CNNM2: variants seen among roughly 807,000 people sequenced by gnomAD.
The protein encoded by CNNM2 is cyclin and CBS domain divalent metal cation transport mediator 2, also known as metal transporter CNNM2.
In CNNM2, 12 loss-of-function variants were observed where a neutral mutation model predicts 66.9. That is an observed-to-expected ratio of 0.18 (90% CI 0.11 to 0.29). The LOEUF is 0.29. Ranked by LOEUF, CNNM2 falls within the 10% of genes least tolerant of loss-of-function variation. The pLI is 1.00. For synonymous variants in CNNM2, 557 were observed against 501.8 expected (o/e 1.11, Z -1.47); for missense variants, 705 against 1,167.7 (o/e 0.60, Z 5.77).
At chr10:103,073,868 C>CAAAAAAA (rs61331007) in intron 6 of CNNM2, among the ~76,000 whole-genome samples, 4 of 70,238 alleles carry the variant, frequency 5.7e-5, no homozygotes, top group African/African-American at 1.2e-4. Context: ...GACTCCGTCT[C>CAAAAAAA]AAAAAAAAAA....
intron 2 of CNNM2, among the ~76,000 whole-genome samples, chr10:103,053,504 A>C (rs2065248896): frequency 6.6e-6 from 1 of 152,244 alleles, no homozygotes; most frequent in Non-Finnish European, 1.5e-5. Flanking sequence ...CAATAGAGCA[A>C]GAGCCTGTCT....
intron 1 of CNNM2, among the ~76,000 whole-genome samples, chr10:102,939,577 G>T (rs1221732583): frequency 6.6e-6 from 1 of 152,014 alleles, no homozygotes; most frequent in Admixed American, 6.6e-5. Context: ...TTCTAATTGA[G>T]CAGTCCCCAA....
intron 1 of CNNM2, among the ~76,000 whole-genome samples, chr10:103,023,742 C>T (rs1383865903): frequency 1.3e-5 from 2 of 152,022 alleles, no homozygotes; most frequent in Admixed American, 1.3e-4. Context: ...ACAACAAAGT[C>T]AGCAAAAGGA....
At chr10:103,001,088 A>G (rs564406377) in intron 1 of CNNM2, among the ~76,000 whole-genome samples, 2 of 152,352 alleles carry the variant, frequency 1.3e-5, no homozygotes, top group East Asian at 3.9e-4. Context: ...GGTCACAAAA[A>G]GACAATTACT....
At chr10:102,926,232 G>T (rs1363861413) in intron 1 of CNNM2, among the ~76,000 whole-genome samples, 4 of 152,192 alleles carry the variant, frequency 2.6e-5, no homozygotes, top group Admixed American at 2.0e-4. Flanking sequence ...TTCTCACAGA[G>T]AATCATGCTG....
At position 102,929,559 on chromosome 10, in the gene CNNM2, A is replaced by G. The variant is rs202003963; in HGVS notation, c.1621+9458A>G. On this transcript the variant is annotated intron_variant, in intron 1 of 7. Transcript: ENST00000369878. ...AGCAGTTGACAAGGTGACTACATGCATATATATTTTTAAGGAAAACAGAAC... is the reference window on the plus strand; with the variant it reads ...AGCAGTTGACAAGGTGACTACATGCGTATATATTTTTAAGGAAAACAGAAC... Among the ~76,000 whole-genome samples the G allele has an allele frequency of 5.3e-5, 8 of 152,124 alleles. No individual in the cohort carries two copies. In the East Asian group the frequency reaches 7.7e-4, roughly 15 times the overall value.
chr10:102,927,389 G>A, intron 1 of CNNM2: 2 of 1,613,798 alleles, frequency 1.2e-6, no homozygotes, highest in Non-Finnish European at 1.7e-6. Flanking sequence ...CTGAAAAGAA[G>A]AGACAATAAG....
At chr10:103,060,097 A>T (rs1164409870) in intron 4 of CNNM2, among the ~76,000 whole-genome samples, 1 of 152,152 alleles carries the variant, frequency 6.6e-6, no homozygotes, top group African/African-American at 2.4e-5. Flanking sequence ...TGATTGTGCC[A>T]CTGTACTCCA....
chr10:102,975,814 A>G (rs1001694525), intron 1 of CNNM2, among the ~76,000 whole-genome samples: 33 of 152,202 alleles, frequency 2.2e-4, no homozygotes, highest in African/African-American at 6.0e-4. Context: ...AGCATAGCCA[A>G]TTAAAACTAT....
rs2065685023 is a variant in CNNM2 at position 103,076,059 on chromosome 10, C to T, written c.2234-27C>T. 12 of 1,591,392 alleles carry T rather than the reference C, an allele frequency of 7.5e-6. No individual in the cohort carries two copies. The East Asian group carries it at 2.5e-4, about 33-fold the overall frequency. ...ATTGGCTGTATCTACTTCACTTAAA[C>T]AGTTGGATTTTTCCCTCCTTTTCCA... On this transcript the variant is annotated intron_variant, in intron 6 of 7. Transcript: ENST00000369878.
At chr10:102,952,843 G>A (rs796878493) in intron 1 of CNNM2, among the ~76,000 whole-genome samples, 25 of 152,232 alleles carry the variant, frequency 1.6e-4, no homozygotes, top group African/African-American at 6.0e-4. Flanking sequence ...TTCTGCTTCA[G>A]TACTTGAATA....
chr10:102,945,618 C>T (rs1234769577), intron 1 of CNNM2, among the ~76,000 whole-genome samples: 2 of 152,068 alleles, frequency 1.3e-5, no homozygotes, highest in African/African-American at 4.8e-5. Flanking sequence ...GCTCTCTCCT[C>T]TCTCTGCCTG....
chr10:102,922,879 T>C (rs780244814), intron 1 of CNNM2, among the ~76,000 whole-genome samples: 4 of 150,998 alleles, frequency 2.6e-5, no homozygotes, highest in East Asian at 1.9e-4. Flanking sequence ...GAGGCGGAGA[T>C]TGCAATGAGC....
At chr10:102,978,558 G>A (rs1302635832) in intron 1 of CNNM2, among the ~76,000 whole-genome samples, 1 of 152,014 alleles carries the variant, frequency 6.6e-6, no homozygotes, top group African/African-American at 2.4e-5. Context: ...TAGCCTCCTT[G>A]CTGGTCTCCT....
chr10:102,941,584 T>A (rs933560260), intron 1 of CNNM2, among the ~76,000 whole-genome samples: 6 of 152,214 alleles, frequency 3.9e-5, no homozygotes, highest in African/African-American at 1.4e-4. Flanking sequence ...GCCCCTGCCT[T>A]GGAGCCTGTG....
intron 1 of CNNM2, among the ~76,000 whole-genome samples, chr10:103,024,349 C>G (rs1238021808): frequency 6.6e-6 from 1 of 152,116 alleles, no homozygotes; most frequent in African/African-American, 2.4e-5. Context: ...TATCTTTTTT[C>G]TTTGCAAAAA....
intron 1 of CNNM2, among the ~76,000 whole-genome samples, chr10:103,009,674 C>CAAAAA (rs36096913): frequency 6.5e-4 from 38 of 58,602 alleles, no homozygotes; most frequent in East Asian, 1.5e-3. Context: ...CCTGAGTCTC[C>CAAAAA]AAAAAAAAAA....
Position 103,054,228 on chromosome 10 carries a change from A to C in CNNM2, c.1766-101A>C. ...ATAGAGCGCCTGCATCTGGAAATAC[A>C]GTCCAGCTCTTCCAATATATTTTGT... On this transcript the variant is annotated intron_variant, in intron 2 of 7. Coordinates refer to ENST00000369878, the MANE Select transcript of CNNM2 (RefSeq NM_017649.5). The surrounding 1 kb of genome is among the most constrained non-coding windows in gnomAD (Gnocchi z 5.2). The C allele has an allele frequency of 6.0e-6, 8 of 1,326,672 alleles. No homozygotes were observed. Among genetic ancestry groups the C allele is most frequent in the Non-Finnish European group, 1.0e-6 (1 of 964,802 alleles). The allele number at this position is 1,326,672 out of a possible 1,614,324, so 82.2% of individuals were successfully genotyped here.
rs184549724 is a variant in CNNM2 at position 103,074,233 on chromosome 10, G to A, written c.2234-1853G>A. Reference sequence around the variant, plus strand: ...AACCTGGGAGGTGGAGGTTGCAGTGGGCCAAGATCGCACCACTGCATTCCA... The same window carrying A: ...AACCTGGGAGGTGGAGGTTGCAGTGAGCCAAGATCGCACCACTGCATTCCA... On this transcript the variant is annotated intron_variant, in intron 6 of 7. Coordinates refer to ENST00000369878, the MANE Select transcript of CNNM2 (RefSeq NM_017649.5). Among the ~76,000 whole-genome samples, 150 of 152,130 alleles carry A rather than the reference G, an allele frequency of 9.9e-4. No homozygotes were observed. Among genetic ancestry groups the A allele is most frequent in the Non-Finnish European group, 1.9e-3 (127 of 67,988 alleles).
Sources: allele counts gnomAD v4.1 joint callset (sites outside exome capture counted in the v4.1 genomes callset), GRCh38; gene constraint gnomAD v4.1.1; non-coding constraint Gnocchi (gnomAD v3.1); transcripts MANE v1.5; gene names NCBI Gene and HGNC (gene_info 2026-07-23, HGNC 2026-07-21).